GRAMD4: variants seen among roughly 807,000 people sequenced by gnomAD.
GRAMD4 encodes GRAM domain-containing protein 4.
GRAMD4 carries 25 observed loss-of-function variants against 83.9 expected under a neutral mutation model. The ratio of observed to expected loss-of-function variants is 0.30; its 90% CI spans 0.22 to 0.42. The LOEUF is 0.42. Among genes scored for constraint, GRAMD4 ranks in the 10% least tolerant of loss-of-function variants. GRAMD4 has a pLI of 1.00. For synonymous variants in GRAMD4, 336 were observed against 320.9 expected (o/e 1.05, Z -0.50); for missense variants, 593 against 788.7 (o/e 0.75, Z 2.97).
intron 10 of GRAMD4, 71 bp downstream of exon 10, chr22:46,666,944 C>T (rs2082418858): frequency 1.8e-6 from 2 of 1,134,470 alleles, no homozygotes; most frequent in East Asian, 5.5e-5. Flanking sequence ...CCTGTAGGCA[C>T]CGCTCGGGGA....
upstream of GRAMD4, among the ~76,000 whole-genome samples, chr22:46,617,014 G>C (rs2019252): frequency 1.2e-4 from 2 of 16,172 alleles, no homozygotes; most frequent in African/African-American, 4.6e-4. Flanking sequence ...CTGTGCGTGT[G>C]GGTTCCCCCG....
rs2081566390 is a variant in GRAMD4, at chr22:46,621,034, G to T, written c.-50+469G>T. ...GGAGGGGCTGGTCCTGGGGAGAGCG[G>T]CTGGGCTGCAGGCTGAGGAGCTGGG... On this transcript the variant is annotated intron_variant, in intron 1 of 18. Transcript: ENST00000406902. This position sits in a 1 kb window ranked among gnomAD's most constrained non-coding sequence, Gnocchi z 5.8. 6.6e-6 allele frequency among the ~76,000 whole-genome samples: 1 copy of T among 151,940 alleles called. No homozygotes were observed. Among genetic ancestry groups the T allele is most frequent in the South Asian group, 2.1e-4 (1 of 4,812 alleles).
Position 46,670,450 on chromosome 22 carries a change from C to G in GRAMD4, c.1084+1542C>G, listed in dbSNP as rs375190288. Among the ~76,000 whole-genome samples, 58 of 152,308 alleles carry G rather than the reference C, an allele frequency of 3.8e-4. No individual in the cohort carries two copies. The East Asian group carries it at 7.4e-3, about 19-fold the overall frequency. On this transcript the variant is annotated intron_variant, in intron 13 of 18. Transcript: ENST00000406902. The stretch of plus-strand genomic sequence containing the variant: ...TCTAGGCTCATGAATGGGTAGGTGA[C>G]CACTGTGACCTCCTGTTGGACCCCT...
At chr22:46,663,976 A>G (rs1322025026) in intron 7 of GRAMD4, 50 bp from the exon 8 acceptor site, 1 of 1,573,428 alleles carries the variant, frequency 6.4e-7, no homozygotes, top group South Asian at 1.1e-5. Context: ...GACGTGGTTA[A>G]GCGGCCTCCT....
intron 1 of GRAMD4, among the ~76,000 whole-genome samples, chr22:46,607,631 G>C (rs1007406215): frequency 6.6e-6 from 1 of 152,146 alleles, no homozygotes; most frequent in Non-Finnish European, 1.5e-5. Flanking sequence ...TCCGCTGCCC[G>C]CACCAGTCCC....
At chr22:46,581,428 G>A (rs938437104) in intron 1 of GRAMD4, among the ~76,000 whole-genome samples, 2 of 152,312 alleles carry the variant, frequency 1.3e-5, no homozygotes, top group South Asian at 4.1e-4. Flanking sequence ...CCCGAGCAGA[G>A]CTGGGATTTG....
chr22:46,663,723 A>G (rs2082365955), intron 6 of GRAMD4, 115 bp from the exon 7 acceptor site: 7 of 991,346 alleles, frequency 7.1e-6, no homozygotes, highest in Middle Eastern at 2.1e-4. Flanking sequence ...AAGGGGTCCC[A>G]GGCTGTTGAG....
chr22:46,678,003 C>T lies in GRAMD4; in HGVS notation c.*752C>T, dbSNP rs1323966609. The T allele has an allele frequency of 2.0e-6, 2 of 985,706 alleles. No homozygotes were observed. The highest frequency in any genetic ancestry group is 2.4e-6 in the Non-Finnish European group (2 of 830,116). The allele number at this position is 985,706 out of a possible 1,614,324, so 61.1% of individuals were successfully genotyped here. On this transcript the variant is annotated 3_prime_UTR_variant, in exon 19 of 19. Coordinates refer to ENST00000406902, the MANE Select transcript of GRAMD4 (RefSeq NM_015124.5). ...TGCCTGCTGCTCTCGGCCTGACACG[C>T]CGGCCAGGAGGTCTGTAGCTGGGGA...
intron 1 of GRAMD4, among the ~76,000 whole-genome samples, chr22:46,601,894 T>G (rs1450222332): frequency 6.6e-6 from 1 of 152,236 alleles, no homozygotes; most frequent in Non-Finnish European, 1.5e-5. Flanking sequence ...TCCTGATGGC[T>G]TCAGCCCCCA....
intron 1 of GRAMD4, among the ~76,000 whole-genome samples, chr22:46,590,804 T>G (rs1172937156): frequency 6.6e-6 from 1 of 152,216 alleles, no homozygotes; most frequent in Non-Finnish European, 1.5e-5. Flanking sequence ...CTCATGCCTG[T>G]AATCCCAACA....
chr22:46,607,512 G>A (rs1385815348), intron 1 of GRAMD4, among the ~76,000 whole-genome samples: 2 of 152,142 alleles, frequency 1.3e-5, no homozygotes, highest in African/African-American at 2.4e-5. Flanking sequence ...TGTCCCTTAC[G>A]AAGTGTGGCT....
At position 46,626,839 on chromosome 22, in the gene GRAMD4, A is replaced by G; in HGVS notation, c.40A>G (p.Lys14Glu). The change falls in exon 2 of 19, where the codon AAG (lysine) becomes GAG (glutamate). Residue 14 changes from lysine (K) to glutamate (E), a missense_variant. Lys to Glu is a moderately conservative substitution (Grantham distance 56). This residue lies in a region of GRAMD4 where 312 missense variants were observed against 350.7 expected (regional missense o/e 0.89). Transcript: ENST00000406902. Reference protein sequence around the residue: ...RLDKIRFRGHKRDDFLDLAES... With the variant: ...RLDKIRFRGHERDDFLDLAES... ...GGACAAAATCAGGTTCAGAGGTCACAAGAGAGATGACTTCCTCGATCTAGC... is the reference window on the plus strand; with the variant it reads ...GGACAAAATCAGGTTCAGAGGTCACGAGAGAGATGACTTCCTCGATCTAGC... 1 of 1,613,914 alleles carries G rather than the reference A, an allele frequency of 6.2e-7. No homozygotes were observed. Among genetic ancestry groups the G allele is most frequent in the Non-Finnish European group, 8.5e-7 (1 of 1,179,748 alleles).
At position 46,659,396 on chromosome 22, in the gene GRAMD4, C is replaced by T. The variant is rs535346102; in HGVS notation, c.404+1089C>T. Among the ~76,000 whole-genome samples, 2 of 152,316 alleles carry T rather than the reference C, an allele frequency of 1.3e-5. No homozygotes were observed. Among genetic ancestry groups the T allele is most frequent in the East Asian group, 3.9e-4 (2 of 5,176 alleles). The stretch of plus-strand genomic sequence containing the variant: ...ACTTAGCCTCCCTCCAGGTCTCCCA[C>T]CTCAGCCTCCCACCACCATTGGCCA... On this transcript the variant is annotated intron_variant, in intron 4 of 18. Transcript: ENST00000406902. The surrounding 1 kb of genome is among the most constrained non-coding windows in gnomAD (Gnocchi z 4.1).
upstream of GRAMD4, among the ~76,000 whole-genome samples, chr22:46,617,041 TGC>T (rs1292386989): frequency 1.0e-4 from 14 of 137,732 alleles, no homozygotes; most frequent in African/African-American, 3.8e-4. Flanking sequence ...GGTTCCCCTG[TGC>T]GTGTGGGTTC....
At chr22:46,682,725 G>A (rs1233282529), downstream of GRAMD4, among the ~76,000 whole-genome samples, 1 of 152,196 alleles carries the variant, frequency 6.6e-6, no homozygotes, top group Non-Finnish European at 1.5e-5. Context: ...CAATCCCCTT[G>A]CTGTTCCTGA....
At chr22:46,619,845 TGG>T (rs1312977825), upstream of GRAMD4, among the ~76,000 whole-genome samples, 1 of 150,262 alleles carries the variant, frequency 6.7e-6, no homozygotes, top group Non-Finnish European at 1.5e-5. Context: ...GCAGTGGGGG[TGG>T]GGGAGGTGTG....
chr22:46,579,017 A>G (rs116901182), intron 1 of GRAMD4, among the ~76,000 whole-genome samples: 1 of 152,284 alleles, frequency 6.6e-6, no homozygotes, highest in East Asian at 1.9e-4. Flanking sequence ...AGCTGCCCCT[A>G]TGGCTGATGC....
At chr22:46,597,628 C>T (rs1259530175) in intron 1 of GRAMD4, among the ~76,000 whole-genome samples, 4 of 151,866 alleles carry the variant, frequency 2.6e-5, no homozygotes, top group Admixed American at 6.6e-5. Context: ...TAGCTGGGAC[C>T]ACAGGCACCC....
At chr22:46,625,162 C>T (rs6008933) in intron 1 of GRAMD4, among the ~76,000 whole-genome samples, 6,763 of 152,262 alleles carry the variant, frequency 0.044, 229 homozygotes, top group African/African-American at 0.097. Flanking sequence ...GCCCAGCGTC[C>T]TGTGGGTTTT....
Sources: gnomAD v4.1 joint callset for allele counts (sites outside exome capture counted in the v4.1 genomes callset) on GRCh38, gnomAD v4.1.1 for gene constraint, gnomAD v4.1.1 regional missense constraint, Gnocchi (gnomAD v3.1) non-coding constraint, MANE v1.5 for transcripts, NCBI Gene and HGNC (gene_info 2026-07-23, HGNC 2026-07-21) for gene names.